ALG14: variants seen among roughly 807,000 people sequenced by gnomAD.
ALG14 encodes the protein UDP-N-acetylglucosamine transferase subunit ALG14.
Under a neutral mutation model 22.8 loss-of-function variants are expected in ALG14, and 17 were observed. That is an observed-to-expected ratio of 0.75 (90% CI 0.51 to 1.12). ALG14 has a LOEUF of 1.12. Ranked by LOEUF, ALG14 falls within the 50% of genes most tolerant of loss-of-function variation. The probability of loss-of-function intolerance (pLI) is 0.00; values close to 1 mark genes in which losing one functional copy is unlikely to be tolerated. For synonymous variants in ALG14, 89 were observed against 103.7 expected, an observed-to-expected ratio of 0.86 and a Z score of 0.86; for missense variants, 288 against 271.8, an observed-to-expected ratio of 1.06 and a Z score of -0.42.
rs1156367993 is a variant in ALG14, at chr1:94,975,779, T to C, written c.*7297A>G. The C allele has an allele frequency of 6.6e-6, 1 of 151,732 alleles. No homozygotes were observed. The highest frequency in any genetic ancestry group is 1.5e-5 in the Non-Finnish European group (1 of 68,052). The allele number at this position is 151,732 out of a possible 1,614,324, so 9.4% of individuals were successfully genotyped here. On this transcript the variant is annotated 3_prime_UTR_variant, in exon 4 of 4. Coordinates refer to ENST00000370205, the MANE Select transcript of ALG14 (RefSeq NM_144988.4). ...ACTTTGGGAGGCCGAGGCGGGCAGATCACGAGGTGAGGAGATGGAGACCAT... is the reference window on the plus strand; with the variant it reads ...ACTTTGGGAGGCCGAGGCGGGCAGACCACGAGGTGAGGAGATGGAGACCAT...
intron 3 of ALG14, among the ~76,000 whole-genome samples, chr1:95,019,978 G>T (rs546191594): frequency 9.0e-4 from 137 of 152,142 alleles, no homozygotes; most frequent in African/African-American, 3.2e-3. Flanking sequence ...AGCATTTTTT[G>T]AGACCGAGGC....
At chr1:94,988,768 T>C (rs377283716) in intron 3 of ALG14, among the ~76,000 whole-genome samples, 3 of 152,184 alleles carry the variant, frequency 2.0e-5, no homozygotes, top group Non-Finnish European at 2.9e-5. Context: ...ACTGAGAATA[T>C]GATAAAAGAT....
chr1:95,001,501 A>G (rs1571591406), intron 3 of ALG14, among the ~76,000 whole-genome samples: 1 of 151,988 alleles, frequency 6.6e-6, no homozygotes, highest in African/African-American at 2.4e-5. Flanking sequence ...TCTTTTTTTA[A>G]TTTTTAATTT....
chr1:95,064,120 A>C (rs1443743312), intron 2 of ALG14, among the ~76,000 whole-genome samples: 1 of 152,146 alleles, frequency 6.6e-6, no homozygotes, highest in Non-Finnish European at 1.5e-5. Context: ...GTGATTCTGC[A>C]CATTGATTTT....
chr1:95,002,976 G>GA (rs1480547708), intron 3 of ALG14, among the ~76,000 whole-genome samples: 1 of 152,212 alleles, frequency 6.6e-6, no homozygotes, highest in Non-Finnish European at 1.5e-5. Context: ...CACTGCAGAT[G>GA]AAAGCACTTA....
chr1:95,055,914 G>C (rs1235629003), intron 2 of ALG14, among the ~76,000 whole-genome samples: 1 of 149,250 alleles, frequency 6.7e-6, no homozygotes, highest in Non-Finnish European at 1.5e-5. Flanking sequence ...GGAGGCTGAG[G>C]CAGGAGAATG....
rs532056723 is a variant in ALG14 at position 95,065,220 on chromosome 1, A to G, written c.137-203T>C. 1.2e-4 allele frequency among the ~76,000 whole-genome samples: 18 copies of G among 152,332 alleles called. No individual in the cohort carries two copies. The South Asian group carries it at 3.7e-3, about 32-fold the overall frequency. On this transcript the variant is annotated intron_variant, in intron 1 of 3. Coordinates refer to ENST00000370205, the MANE Select transcript of ALG14 (RefSeq NM_144988.4). Reference sequence around the variant, plus strand: ...AACTTTTATATCAAAAGCAGATAATACATGTATAAAAATAAAATCAGCACT... The same window carrying G: ...AACTTTTATATCAAAAGCAGATAATGCATGTATAAAAATAAAATCAGCACT...
chr1:95,004,900 T>C (rs1161343705), intron 3 of ALG14, among the ~76,000 whole-genome samples: 2 of 149,544 alleles, frequency 1.3e-5, no homozygotes, highest in Non-Finnish European at 3.0e-5. Flanking sequence ...CCACCTCATG[T>C]GTTCAAGCAA....
At position 95,064,706 on chromosome 1, in the gene ALG14, A is replaced by G. The variant is rs147114600; in HGVS notation, c.288+160T>C. On this transcript the variant is annotated intron_variant, in intron 2 of 3. Coordinates refer to ENST00000370205, the MANE Select transcript of ALG14 (RefSeq NM_144988.4). ...TAATTTGAAGATTTATTTTATAGAA[A>G]TTCATATCTTTTGGTAGCAAAGGAA... is the stretch of plus-strand genomic sequence containing the variant. Among the ~76,000 whole-genome samples, 1,465 of 152,306 alleles carry G rather than the reference A, an allele frequency of 9.6e-3. 13 individuals are homozygous for G. Among genetic ancestry groups the G allele is most frequent in the Non-Finnish European group, 0.016 (1,059 of 68,020 alleles).
intron 2 of ALG14, among the ~76,000 whole-genome samples, chr1:95,030,653 G>A (rs1571626093): frequency 6.6e-6 from 1 of 152,186 alleles, no homozygotes; most frequent in East Asian, 1.9e-4. Flanking sequence ...CTGGAAGGAT[G>A]ATCAGTTTGA....
intron 2 of ALG14, among the ~76,000 whole-genome samples, chr1:95,053,912 T>C (rs1295309401): frequency 6.6e-6 from 1 of 152,188 alleles, no homozygotes; most frequent in African/African-American, 2.4e-5. Flanking sequence ...ACAAAGTAAG[T>C]CTCAACAAAT....
intron 2 of ALG14, among the ~76,000 whole-genome samples, chr1:95,050,708 A>T (rs368013865): frequency 6.6e-6 from 1 of 152,292 alleles, no homozygotes; most frequent in African/African-American, 2.4e-5. Context: ...CAGGGCCTCT[A>T]AAGGATGGGG....
chr1:95,020,485 T>C (rs1214006028), intron 3 of ALG14, among the ~76,000 whole-genome samples: 3 of 151,550 alleles, frequency 2.0e-5, no homozygotes, highest in Non-Finnish European at 4.4e-5. Flanking sequence ...ACTCCTGTAA[T>C]CCCAGCACTT....
intron 3 of ALG14, among the ~76,000 whole-genome samples, chr1:94,988,981 G>C (rs112292390): frequency 0.03 from 4,573 of 152,186 alleles, 100 homozygotes; most frequent in Middle Eastern, 0.075. Context: ...GCAATTGTGA[G>C]AGCTTATACA....
intron 2 of ALG14, among the ~76,000 whole-genome samples, chr1:95,056,874 T>C (rs953837915): frequency 2.4e-5 from 3 of 126,090 alleles, no homozygotes; most frequent in Admixed American, 8.5e-5. Flanking sequence ...CTGGCCAACA[T>C]AGTGAAACCC....
intron 1 of ALG14, among the ~76,000 whole-genome samples, chr1:95,069,108 C>T (rs1026235617): frequency 6.6e-6 from 1 of 152,158 alleles, no homozygotes; most frequent in Non-Finnish European, 1.5e-5. Context: ...ATTCAAAAGG[C>T]TCCTATTTGT....
rs1672389730 is a variant in ALG14 at position 94,975,976 on chromosome 1, C to A, written c.*7100G>T. ...AGCTTGCAGTGAGCCGAGATCGCGC[C>A]ACTGCACTTCAGCCTGGGCAACAGA... On this transcript the variant is annotated 3_prime_UTR_variant, in exon 4 of 4. Coordinates refer to ENST00000370205, the MANE Select transcript of ALG14 (RefSeq NM_144988.4). 7.1e-6 allele frequency: 1 copy of A among 141,464 alleles called. No homozygotes were observed. Among genetic ancestry groups the A allele is most frequent in the Non-Finnish European group, 1.5e-5 (1 of 66,838 alleles). 8.8% of individuals were successfully genotyped at this position (141,464 alleles called of 1,614,324 possible). A position where few individuals can be genotyped will look rare whatever the true frequency, so the allele number is the denominator to read the frequency against.
chr1:95,027,077 G>A (rs1000223850), intron 3 of ALG14, 52 bp downstream of exon 3: 19 of 1,600,034 alleles, frequency 1.2e-5, no homozygotes, highest in South Asian at 3.3e-5. Flanking sequence ...TGTTACTAAC[G>A]AAAGATCTAC....
chr1:95,064,765 C>T (rs1279376500), intron 2 of ALG14, 101 bp downstream of exon 2: 1 of 1,002,900 alleles, frequency 1.0e-6, no homozygotes, highest in Non-Finnish European at 1.4e-6. Flanking sequence ...TTTGACTGCC[C>T]ATTGTGGGTA....
Sources: allele counts gnomAD v4.1 joint callset (sites outside exome capture counted in the v4.1 genomes callset), GRCh38; gene constraint gnomAD v4.1.1; transcripts MANE v1.5; gene names NCBI Gene and HGNC (gene_info 2026-07-23, HGNC 2026-07-21).